The following DRAM1 variants were observed in gnomAD, a reference collection of about 807,000 sequenced individuals.
DRAM1 encodes DNA damage-regulated autophagy modulator protein 1.
Under a neutral mutation model 28.5 loss-of-function variants are expected in DRAM1, and 25 were observed. The ratio of observed to expected loss-of-function variants is 0.88; its 90% confidence interval spans 0.64 to 1.23. DRAM1 has a LOEUF of 1.23. DRAM1 is among the 50% of genes most tolerant of loss of function. DRAM1 has a pLI of 0.00. For missense variants in DRAM1, 249 were observed against 299.2 expected, an observed-to-expected ratio of 0.83 and a Z score of 1.24; for synonymous variants, 113 against 114.2, an observed-to-expected ratio of 0.99 and a Z score of 0.07.
Position 101,897,925 on chromosome 12 carries a change from T to G in DRAM1, c.194T>G (p.Phe65Cys), listed in dbSNP as rs764623577. ...IFGFMINFSA[F>C]LGAATMYTRY... ...GGATTTATGATAAACTTCTCTGCATTTCTTGGTAAGTACACAATAATTATT... is the reference window on the plus strand; with the variant it reads ...GGATTTATGATAAACTTCTCTGCATGTCTTGGTAAGTACACAATAATTATT... Residue 65 changes from phenylalanine to cysteine, a missense_variant, in exon 2 of 7, where the codon TTT becomes TGT. By Grantham distance (205) the Phe-to-Cys change is radical. Around this residue, in one of 3 missense-constraint regions of DRAM1, gnomAD observed 218 missense variants for 243.1 expected, o/e 0.90. Transcript: ENST00000258534. The G allele has an allele frequency of 1.3e-6, 2 of 1,588,300 alleles. No individual in the cohort carries two copies. The highest frequency in any genetic ancestry group is 2.2e-5 in the South Asian group (2 of 90,200).
chr12:101,886,854 A>C (rs1259237833), intron 1 of DRAM1, among the ~76,000 whole-genome samples: 1 of 152,202 alleles, frequency 6.6e-6, no homozygotes, highest in Non-Finnish European at 1.5e-5. Context: ...TTTCTAAAAA[A>C]ATTTGGTTGG....
chr12:101,915,259 G>A (rs567605963), intron 5 of DRAM1, among the ~76,000 whole-genome samples: 15 of 152,242 alleles, frequency 9.9e-5, no homozygotes, highest in African/African-American at 3.4e-4. Flanking sequence ...GATTACAGGT[G>A]TGAGCCACCG....
In DRAM1 at chr12:101,915,625, C is replaced by T. The variant is rs551174789; in HGVS notation, c.579+1393C>T. Among the ~76,000 whole-genome samples the T allele has an allele frequency of 9.7e-4, 148 of 152,156 alleles. 1 individual carries two copies. The highest frequency in any genetic ancestry group is 3.5e-3 in the African/African-American group (145 of 41,502). ...TGGCGCGATCTCGGCTCACTGCAAC[C>T]TCTGCCTCTCAGGTTCAAGCAGTTC... is the stretch of plus-strand genomic sequence containing the variant. On this transcript the variant is annotated intron_variant, in intron 5 of 6. Transcript: ENST00000258534.
chr12:101,899,320 A>C (rs991356534), intron 2 of DRAM1, among the ~76,000 whole-genome samples: 68 of 152,210 alleles, frequency 4.5e-4, no homozygotes, highest in African/African-American at 1.5e-3. Flanking sequence ...AGCAAGTGAT[A>C]AATACGGCTT....
chr12:101,877,625 C>A lies in DRAM1; in HGVS notation c.-165C>A. On this transcript the variant is annotated 5_prime_UTR_variant, in exon 1 of 7. Transcript: ENST00000258534. The surrounding 1 kb of genome is among the most constrained non-coding windows in gnomAD (Gnocchi z 4.1). ...CCGCCCGCAGCCTCGCTCCGCTCCT[C>A]GCGCTTCCCCTCCCTCCGGGGCTGG... 1 of 394,106 alleles carries A rather than the reference C, an allele frequency of 2.5e-6. No homozygotes were observed. The highest frequency in any genetic ancestry group is 4.1e-6 in the Non-Finnish European group (1 of 243,404). 24.4% of individuals were successfully genotyped at this position (394,106 alleles called of 1,614,324 possible).
In DRAM1 at chr12:101,921,208, A is replaced by C; in HGVS notation, c.673-8A>C. On this transcript the variant is annotated splice_polypyrimidine_tract_variant and splice_region_variant and intron_variant, in intron 6 of 6. Transcript: ENST00000258534. ...TTTTAAACCTTTCTCTTTCATTTTTAAAAATAGAGTGTCACCCTAAGGATA... is the reference window on the plus strand; with the variant it reads ...TTTTAAACCTTTCTCTTTCATTTTTCAAAATAGAGTGTCACCCTAAGGATA... 1 of 1,589,800 alleles carries C rather than the reference A, an allele frequency of 6.3e-7. No individual in the cohort carries two copies. The highest frequency in any genetic ancestry group is 8.6e-7 in the Non-Finnish European group (1 of 1,158,010).
chr12:101,914,158 T>G lies in DRAM1; in HGVS notation c.521-16T>G. The G allele has an allele frequency of 6.3e-7, 1 of 1,591,836 alleles. No individual in the cohort carries two copies. Among genetic ancestry groups the G allele is most frequent in the Non-Finnish European group, 8.6e-7 (1 of 1,167,866 alleles). Reference sequence around the variant, plus strand: ...TGTTGTGTGCTGTAGTTTCCTTAACTGTTTACTTCTTTCAGTGATTGTCTG... The same window carrying G: ...TGTTGTGTGCTGTAGTTTCCTTAACGGTTTACTTCTTTCAGTGATTGTCTG... On this transcript the variant is annotated splice_polypyrimidine_tract_variant and intron_variant, in intron 4 of 6. Coordinates refer to ENST00000258534, the MANE Select transcript of DRAM1 (RefSeq NM_018370.3).
intron 5 of DRAM1, among the ~76,000 whole-genome samples, chr12:101,915,728 G>GT (rs1874215568): frequency 1.3e-5 from 2 of 151,468 alleles, no homozygotes; most frequent in Non-Finnish European, 2.9e-5. Context: ...TGCCCAGCTA[G>GT]TTTTTGTATT....
intron 4 of DRAM1, among the ~76,000 whole-genome samples, chr12:101,913,211 G>A (rs960361181): frequency 7.2e-5 from 11 of 152,272 alleles, no homozygotes; most frequent in Non-Finnish European, 1.5e-4. Flanking sequence ...GCATGTGTCA[G>A]TCATCCCTGA....
chr12:101,897,114 A>G (rs1873406043), intron 1 of DRAM1, among the ~76,000 whole-genome samples: 2 of 151,938 alleles, frequency 1.3e-5, no homozygotes, highest in South Asian at 4.2e-4. Flanking sequence ...TATTTTCAGC[A>G]GATAATAAAA....
At chr12:101,878,657 G>A (rs1328115228) in intron 1 of DRAM1, among the ~76,000 whole-genome samples, 2 of 152,248 alleles carry the variant, frequency 1.3e-5, no homozygotes, top group East Asian at 3.9e-4. Flanking sequence ...GCCAGGGACA[G>A]TGGTCTGATC....
rs188872656 is a variant in DRAM1 at position 101,905,058 on chromosome 12, A to G, written c.343-3128A>G. On this transcript the variant is annotated intron_variant, in intron 3 of 6. Transcript: ENST00000258534. ...AGACTATGGGTGCATCACCATGCCCAGCTAATTCTTATTTTCACTTTTGTA... is the reference window on the plus strand; with the variant it reads ...AGACTATGGGTGCATCACCATGCCCGGCTAATTCTTATTTTCACTTTTGTA... Among the ~76,000 whole-genome samples the G allele has an allele frequency of 2.8e-4, 43 of 152,160 alleles. No homozygotes were observed. The East Asian group carries it at 7.7e-3, about 27-fold the overall frequency.
intron 1 of DRAM1, among the ~76,000 whole-genome samples, chr12:101,879,108 C>A (rs1872601253): frequency 6.6e-6 from 1 of 152,174 alleles, no homozygotes; most frequent in Non-Finnish European, 1.5e-5. Context: ...GATTCTCCTG[C>A]CTCAGCCTCC....
intron 6 of DRAM1, 92 bp downstream of exon 6, chr12:101,920,293 C>CTCTT: frequency 3.8e-6 from 1 of 262,192 alleles, no homozygotes; most frequent in Admixed American, 9.5e-5. Flanking sequence ...AAAAAGAGCA[C>CTCTT]TTTCTTTTTT....
At chr12:101,919,187 T>A (rs1874375098) in intron 5 of DRAM1, among the ~76,000 whole-genome samples, 1 of 152,020 alleles carries the variant, frequency 6.6e-6, no homozygotes, top group South Asian at 2.1e-4. Context: ...ATTACAGGTG[T>A]GAGCCATTGC....
At chr12:101,895,694 C>T (rs1023035537) in intron 1 of DRAM1, among the ~76,000 whole-genome samples, 3 of 150,822 alleles carry the variant, frequency 2.0e-5, no homozygotes, top group South Asian at 2.1e-4. Context: ...CCTCAGCCTC[C>T]GGATTAGCTG....
intron 5 of DRAM1, among the ~76,000 whole-genome samples, chr12:101,918,016 A>C (rs1038016104): frequency 1.4e-4 from 22 of 152,238 alleles, no homozygotes; most frequent in Non-Finnish European, 4.4e-5. Flanking sequence ...TTCTATCTTA[A>C]AAATGTGAAA....
Position 101,905,523 on chromosome 12 carries a change from A to G in DRAM1, c.343-2663A>G, listed in dbSNP as rs576971899. 2.0e-5 allele frequency among the ~76,000 whole-genome samples: 3 copies of G among 152,146 alleles called. No individual in the cohort carries two copies. The South Asian group carries it at 6.2e-4, about 32-fold the overall frequency. On this transcript the variant is annotated intron_variant, in intron 3 of 6. Coordinates refer to ENST00000258534, the MANE Select transcript of DRAM1 (RefSeq NM_018370.3). ...TCTTGAACTCCTGAGCTCAAGTGAT[A>G]CACCTGCCTTGGCCTCCCAAAGTGA...
rs1182278198 is a variant in DRAM1 at position 101,879,273 on chromosome 12, C to T, written c.131+1353C>T. Among the ~76,000 whole-genome samples the T allele has an allele frequency of 2.0e-5, 3 of 152,294 alleles. No homozygotes were observed. In the East Asian group the frequency reaches 5.8e-4, roughly 29 times the overall value. On this transcript the variant is annotated intron_variant, in intron 1 of 6. Coordinates refer to ENST00000258534, the MANE Select transcript of DRAM1 (RefSeq NM_018370.3). ...TTGGCCTCCCAAAATGCTAGGATTA[C>T]AGGTGTGAGCCAGTGTTCCCAGGGA... is the stretch of plus-strand genomic sequence containing the variant.
Sources: gnomAD v4.1 joint callset for allele counts (sites outside exome capture counted in the v4.1 genomes callset) on GRCh38, gnomAD v4.1.1 for gene constraint, gnomAD v4.1.1 regional missense constraint, Gnocchi (gnomAD v3.1) non-coding constraint, MANE v1.5 for transcripts, NCBI Gene and HGNC (gene_info 2026-07-23, HGNC 2026-07-21) for gene names.